FMNL3: variants seen among roughly 807,000 people sequenced by gnomAD.
FMNL3 encodes the protein formin-like protein 3.
In FMNL3, 57 loss-of-function variants were observed where a neutral mutation model predicts 119.6. The observed-to-expected ratio is 0.48, with a 90% CI of 0.39 to 0.59. The LOEUF (loss-of-function observed/expected upper bound fraction) is 0.59, where lower values mean the gene tolerates loss of function less well. Ranked by LOEUF, FMNL3 falls within the 20% of genes least tolerant of loss-of-function variation. The pLI, the probability that FMNL3 is intolerant of heterozygous loss-of-function variation, is 0.00. For missense variants in FMNL3, 1,053 were observed against 1,323.5 expected (o/e 0.80, Z 3.17); for synonymous variants, 491 against 507.3 (o/e 0.97, Z 0.43).
intron 12 of FMNL3, 114 bp from the exon 13 acceptor site, chr12:49,653,441 G>T: frequency 1.9e-6 from 2 of 1,077,824 alleles, no homozygotes; most frequent in Non-Finnish European, 2.8e-6. Context: ...CACAAAGGCA[G>T]CTTAGTCAGG....
At chr12:49,646,819 A>G (rs1249849981) in intron 25 of FMNL3, 67 bp downstream of exon 25, 3 of 1,605,834 alleles carry the variant, frequency 1.9e-6, no homozygotes, top group Non-Finnish European at 2.6e-6. Flanking sequence ...GAGAGCCCAA[A>G]GGGGTTAGGT....
At chr12:49,681,126 A>C (rs1275943947) in intron 1 of FMNL3, among the ~76,000 whole-genome samples, 1 of 152,264 alleles carries the variant, frequency 6.6e-6, no homozygotes, top group African/African-American at 2.4e-5. Context: ...TAAGAGAGAG[A>C]CTGTGCACAG....
chr12:49,660,628 G>C (rs928757104), intron 5 of FMNL3, among the ~76,000 whole-genome samples: 7 of 152,320 alleles, frequency 4.6e-5, no homozygotes, highest in Non-Finnish European at 8.8e-5. Flanking sequence ...GCTGGACAAA[G>C]AAGAATGGCC....
chr12:49,657,135 T>C lies in FMNL3; in HGVS notation c.661A>G (p.Lys221Glu). 6.2e-7 allele frequency: 1 copy of C among 1,614,124 alleles called. No individual in the cohort carries two copies. The highest frequency in any genetic ancestry group is 8.5e-7 in the Non-Finnish European group (1 of 1,180,014). ...ALKNSRLVSQ[K>E]DDVHVCILCL... ...AGGATACAGACGTGGACGTCATCCT[T>C]CTGGCTCACTAGGCGGGAGTTCTTC... Residue 221 changes from lysine to glutamate, a missense_variant, in exon 7 of 26, where the codon AAG becomes GAG. Around this residue, in one of 4 missense-constraint regions of FMNL3, gnomAD observed 445 missense variants for 628.4 expected, o/e 0.71. Transcript: ENST00000335154.
intron 1 of FMNL3, among the ~76,000 whole-genome samples, chr12:49,695,594 CA>C (rs933383377): frequency 3.5e-4 from 53 of 152,234 alleles, no homozygotes; most frequent in African/African-American, 1.2e-3. Context: ...GGCATACATC[CA>C]ACAAATGTTA....
intron 1 of FMNL3, 136 bp from the exon 2 acceptor site, chr12:49,668,690 G>A (rs1943957397): frequency 2.8e-6 from 2 of 704,762 alleles, no homozygotes; most frequent in Non-Finnish European, 4.8e-6. Context: ...AGGCAGGCTT[G>A]GAAAGGTAGA....
chr12:49,687,669 T>C (rs1316096696), intron 1 of FMNL3, among the ~76,000 whole-genome samples: 1 of 152,244 alleles, frequency 6.6e-6, no homozygotes, highest in African/African-American at 2.4e-5. Context: ...TCTTTTTTGT[T>C]CACTGTGGTA....
intron 1 of FMNL3, among the ~76,000 whole-genome samples, chr12:49,698,866 A>T (rs1016053627): frequency 6.6e-6 from 1 of 152,220 alleles, no homozygotes; most frequent in African/African-American, 2.4e-5. Context: ...GCTCAGTTCT[A>T]TTCTGGAATC....
At chr12:49,692,107 C>T (rs1944622404) in intron 1 of FMNL3, among the ~76,000 whole-genome samples, 1 of 147,612 alleles carries the variant, frequency 6.8e-6, no homozygotes, top group Non-Finnish European at 1.5e-5. Flanking sequence ...AATCTCAACA[C>T]TTTCAGAGGC....
Position 49,654,200 on chromosome 12 carries a change from A to G in FMNL3, c.1063T>C (p.Phe355Leu). The change falls in exon 11 of 26, where the codon TTC becomes CTC. Residue 355 changes from phenylalanine (F) to leucine (L), a missense_variant. Physicochemically the swap from Phe to Leu is conservative, Grantham distance 22. This residue lies in a region of FMNL3 where 445 missense variants were observed against 628.4 expected (regional missense o/e 0.71). Transcript: ENST00000335154. ...YEFTKLGLEE[F>L]LQKSRHTESE... ...GACCCCAGCCAGCTCACCTGCAGGAACTCCTCTAGCCCCAGCTTGGTAAAC... is the reference window on the plus strand; with the variant it reads ...GACCCCAGCCAGCTCACCTGCAGGAGCTCCTCTAGCCCCAGCTTGGTAAAC... 6.2e-7 allele frequency: 1 copy of G among 1,613,468 alleles called. No homozygotes were observed. Among genetic ancestry groups the G allele is most frequent in the Non-Finnish European group, 8.5e-7 (1 of 1,179,688 alleles).
chr12:49,648,188 C>A lies in FMNL3; in HGVS notation c.2676+5G>T. On this transcript the variant is annotated splice_donor_5th_base_variant and intron_variant, in intron 22 of 25. Transcript: ENST00000335154. Reference sequence around the variant, plus strand: ...TTGCTCCCACCGCCTGCACCCCGTGCTTGCCTCAGCCGTCTTGGCGTCCCG... The same window carrying A: ...TTGCTCCCACCGCCTGCACCCCGTGATTGCCTCAGCCGTCTTGGCGTCCCG... 6.2e-7 allele frequency: 1 copy of A among 1,611,782 alleles called. No individual in the cohort carries two copies. Among genetic ancestry groups the A allele is most frequent in the Non-Finnish European group, 8.5e-7 (1 of 1,178,796 alleles).
rs753257601 is a variant in FMNL3, at chr12:49,653,205, C to A, written c.1323+21G>T. ...GGAGCCCAGGATCAGTCAGGGACTGCCTTCCCCAGAGTACTTGTACCTTGA... is the reference window on the plus strand; with the variant it reads ...GGAGCCCAGGATCAGTCAGGGACTGACTTCCCCAGAGTACTTGTACCTTGA... On this transcript the variant is annotated intron_variant, in intron 13 of 25. Coordinates refer to ENST00000335154, the MANE Select transcript of FMNL3 (RefSeq NM_175736.5). The A allele has an allele frequency of 8.1e-6, 13 of 1,610,200 alleles. No individual in the cohort carries two copies. The South Asian group carries it at 1.1e-4, about 14-fold the overall frequency.
chr12:49,686,911 C>T (rs1944477945), intron 1 of FMNL3, among the ~76,000 whole-genome samples: 1 of 152,088 alleles, frequency 6.6e-6, no homozygotes, highest in South Asian at 2.1e-4. Context: ...GCCAGTTGGA[C>T]CCCCAGATGA....
intron 8 of FMNL3, 48 bp from the exon 9 acceptor site, chr12:49,656,545 A>G (rs1333626686): frequency 6.6e-7 from 1 of 1,523,070 alleles, no homozygotes; most frequent in Admixed American, 1.7e-5. Flanking sequence ...CCATCCTGAC[A>G]ACCACACAGC....
At chr12:49,658,396 G>A (rs1423218852) in intron 6 of FMNL3, 46 bp downstream of exon 6, 2 of 1,547,352 alleles carry the variant, frequency 1.3e-6, no homozygotes, top group Admixed American at 3.7e-5. Context: ...GACCTGCACT[G>A]AAGGGTAGGG....
At chr12:49,656,342 C>CCTAG in intron 9 of FMNL3, 62 bp downstream of exon 9, 3 of 1,380,064 alleles carry the variant, frequency 2.2e-6, no homozygotes, top group Non-Finnish European at 3.0e-6. Flanking sequence ...TGCTTACCAA[C>CCTAG]CTAGCTCCCT....
chr12:49,660,893 A>G (rs994122689), intron 5 of FMNL3, among the ~76,000 whole-genome samples: 7 of 152,226 alleles, frequency 4.6e-5, no homozygotes, highest in African/African-American at 1.4e-4. Flanking sequence ...AGACTGCTTG[A>G]GCCCAGGAAG....
intron 4 of FMNL3, among the ~76,000 whole-genome samples, chr12:49,665,138 G>A (rs192610294): frequency 4.0e-5 from 6 of 150,980 alleles, no homozygotes; most frequent in African/African-American, 7.3e-5. Context: ...TTACAGTTTC[G>A]TAACACTGAG....
Position 49,643,054 on chromosome 12 carries a change from G to A in FMNL3, c.*2761C>T. ...GTAGAAGGGACATGGGGTGAAGCTG[G>A]GTTGTTTTGGGGAAATAAACACTTT... On this transcript the variant is annotated 3_prime_UTR_variant, in exon 26 of 26. Coordinates refer to ENST00000335154, the MANE Select transcript of FMNL3 (RefSeq NM_175736.5). The A allele has an allele frequency of 1.2e-6, 2 of 1,606,554 alleles. No homozygotes were observed. The highest frequency in any genetic ancestry group is 1.7e-6 in the Non-Finnish European group (2 of 1,174,168).
Sources: gnomAD v4.1 joint callset for allele counts (sites outside exome capture counted in the v4.1 genomes callset) on GRCh38, gnomAD v4.1.1 for gene constraint, gnomAD v4.1.1 regional missense constraint, MANE v1.5 for transcripts, NCBI Gene and HGNC (gene_info 2026-07-23, HGNC 2026-07-21) for gene names.